The following NFIB variants were observed in gnomAD, a reference collection of about 807,000 sequenced individuals.
The protein encoded by NFIB is nuclear factor 1 B-type.
In NFIB, 11 loss-of-function variants were observed where a neutral mutation model predicts 61.5. That is an observed-to-expected ratio of 0.18 (90% CI 0.11 to 0.30). The LOEUF is 0.30. NFIB is among the 10% of genes least tolerant of loss of function. The pLI, the probability that NFIB is intolerant of heterozygous loss-of-function variation, is 1.00. For synonymous variants in NFIB, 260 were observed against 216.5 expected, an observed-to-expected ratio of 1.20 and a Z score of -1.76; for missense variants, 471 against 608.9, an observed-to-expected ratio of 0.77 and a Z score of 2.38.
the NFIB span, among the ~76,000 whole-genome samples, chr9:14,430,047 A>G: frequency 1.3e-5 from 2 of 152,226 alleles, no homozygotes; most frequent in Non-Finnish European, 2.9e-5. Flanking sequence ...AAAATATTGT[A>G]ATATAAACCC....
intron 10 of NFIB, among the ~76,000 whole-genome samples, chr9:14,112,211 TA>T (rs1326224628): frequency 7.2e-5 from 11 of 152,224 alleles, no homozygotes; most frequent in Admixed American, 7.2e-4. Context: ...ATATGCATCA[TA>T]AAATATATTT....
chr9:14,529,116 G>A, the NFIB span, among the ~76,000 whole-genome samples: 1 of 152,110 alleles, frequency 6.6e-6, no homozygotes, highest in Non-Finnish European at 1.5e-5. Flanking sequence ...TCGTGTACTT[G>A]TTTATTTTTA....
chr9:14,224,346 T>C (rs2052087227), intron 2 of NFIB, among the ~76,000 whole-genome samples: 1 of 152,162 alleles, frequency 6.6e-6, no homozygotes, highest in African/African-American at 2.4e-5. Context: ...CACTAAAACA[T>C]AACAGCTAAG....
At chr9:14,187,027 ATGTGTGTG>A (rs71491637) in intron 2 of NFIB, among the ~76,000 whole-genome samples, 1,441 of 60,990 alleles carry the variant, frequency 0.024, 27 homozygotes, top group African/African-American at 0.048. Context: ...GTGTGTGTGT[ATGTGTGTG>A]TGTGTGTGTG....
At chr9:14,416,698 T>C in the NFIB span, among the ~76,000 whole-genome samples, 9 of 152,018 alleles carry the variant, frequency 5.9e-5, no homozygotes, top group Admixed American at 5.2e-4. Flanking sequence ...TAATTTATTA[T>C]TGAAGAAAGA....
At chr9:14,234,185 A>G (rs1180653639) in intron 2 of NFIB, among the ~76,000 whole-genome samples, 1 of 152,176 alleles carries the variant, frequency 6.6e-6, no homozygotes, top group Non-Finnish European at 1.5e-5. Context: ...TCTAGATTGG[A>G]TGGCAGAGAG....
At chr9:14,449,848 C>T in the NFIB span, among the ~76,000 whole-genome samples, 5 of 151,990 alleles carry the variant, frequency 3.3e-5, no homozygotes, top group East Asian at 1.9e-4. Context: ...GCATGAGAAT[C>T]GTTTCAACCC....
the NFIB span, among the ~76,000 whole-genome samples, chr9:14,514,931 G>A: frequency 1.3e-5 from 2 of 151,996 alleles, no homozygotes; most frequent in Admixed American, 1.3e-4. Context: ...AGAACCACTG[G>A]GCTAAGATAT....
intron 2 of NFIB, among the ~76,000 whole-genome samples, chr9:14,300,578 T>G (rs1240525436): frequency 6.6e-6 from 1 of 152,218 alleles, no homozygotes; most frequent in Non-Finnish European, 1.5e-5. Flanking sequence ...TTTTAATGAG[T>G]GTTTCATGTG....
chr9:14,371,118 C>CAA (rs1242463166), intron 1 of NFIB, among the ~76,000 whole-genome samples: 1 of 96,868 alleles, frequency 1.0e-5, no homozygotes, highest in Non-Finnish European at 2.7e-5. Flanking sequence ...CAAAACAAAA[C>CAA]AAACAAACAA....
chr9:14,084,274 T>C lies in NFIB; in HGVS notation c.*4035A>G. On this transcript the variant is annotated 3_prime_UTR_variant, in exon 11 of 11. Coordinates refer to ENST00000380953, the MANE Select transcript of NFIB (RefSeq NM_001190737.2). Reference sequence around the variant, plus strand: ...CATTATAATTGTTAAAAAGTTAGCTTTACAAACATGGGAATTTTAATTTAA... The same window carrying C: ...CATTATAATTGTTAAAAAGTTAGCTCTACAAACATGGGAATTTTAATTTAA... 1 of 202,260 alleles carries C rather than the reference T, an allele frequency of 4.9e-6. No homozygotes were observed. Among genetic ancestry groups the C allele is most frequent in the Non-Finnish European group, 1.0e-5 (1 of 98,212 alleles). 12.5% of individuals were successfully genotyped at this position (202,260 alleles called of 1,614,324 possible).
At chr9:14,275,607 T>A (rs1441562608) in intron 2 of NFIB, among the ~76,000 whole-genome samples, 1 of 152,128 alleles carries the variant, frequency 6.6e-6, no homozygotes, top group Admixed American at 6.5e-5. Flanking sequence ...GGGGCTTATA[T>A]CCTTGGCATC....
At chr9:14,247,935 C>CTTTTTTTT (rs1051234569) in intron 2 of NFIB, among the ~76,000 whole-genome samples, 6 of 138,138 alleles carry the variant, frequency 4.3e-5, no homozygotes, top group Non-Finnish European at 9.4e-5. Context: ...TTCTTTTTTT[C>CTTTTTTTT]TTTTTTTTTT....
At chr9:14,485,014 G>C in the NFIB span, among the ~76,000 whole-genome samples, 3 of 149,368 alleles carry the variant, frequency 2.0e-5, no homozygotes, top group Non-Finnish European at 4.5e-5. Context: ...GAGAGAAAGA[G>C]AGAGAGAGAG....
chr9:14,398,724 A>G, exon 1 of NFIB: 1 of 793,290 alleles, frequency 1.3e-6, no homozygotes, highest in Admixed American at 2.9e-5. Flanking sequence ...CGAGTACCTT[A>G]GCAAACGCAG....
chr9:14,383,030 T>A (rs1324593436), intron 1 of NFIB, among the ~76,000 whole-genome samples: 1 of 152,088 alleles, frequency 6.6e-6, no homozygotes, highest in East Asian at 1.9e-4. Flanking sequence ...TTGGCCTCAA[T>A]AAAACCAGTG....
chr9:14,246,995 CTA>C (rs930108829), intron 2 of NFIB, among the ~76,000 whole-genome samples: 2 of 147,822 alleles, frequency 1.4e-5, no homozygotes, highest in Non-Finnish European at 1.5e-5. Flanking sequence ...CTTTCTTTCA[CTA>C]TATCTCTCTC....
chr9:14,383,635 G>A (rs1056358439), intron 1 of NFIB, among the ~76,000 whole-genome samples: 2 of 152,208 alleles, frequency 1.3e-5, no homozygotes, highest in African/African-American at 4.8e-5. Context: ...GTTGATAACA[G>A]ATCTCTTTTA....
intron 2 of NFIB, among the ~76,000 whole-genome samples, chr9:14,247,369 C>A (rs1049353232): frequency 6.6e-6 from 1 of 152,192 alleles, no homozygotes; most frequent in Non-Finnish European, 1.5e-5. Context: ...GCCTTCCATG[C>A]GCCATCCAAT....
Sources: gnomAD v4.1 joint callset for allele counts (sites outside exome capture counted in the v4.1 genomes callset) on GRCh38, gnomAD v4.1.1 for gene constraint, MANE v1.5 for transcripts, NCBI Gene and HGNC (gene_info 2026-07-23, HGNC 2026-07-21) for gene names.